DLG2: variants seen among roughly 807,000 people sequenced by gnomAD.
The protein encoded by DLG2 is disks large homolog 2.
A neutral mutation model predicts 132.5 loss-of-function variants in DLG2; 45 were observed. The observed-to-expected ratio is 0.34, with a 90% CI of 0.27 to 0.44. The LOEUF is 0.44. Ranked by LOEUF, DLG2 falls within the 20% of genes least tolerant of loss-of-function variation. The pLI is 1.00. For missense variants in DLG2, 1,045 were observed against 1,196.9 expected (o/e 0.87, Z 1.87); for synonymous variants, 424 against 419.6 (o/e 1.01, Z -0.13).
intron 6 of DLG2, among the ~76,000 whole-genome samples, chr11:84,899,233 G>C (rs964801757): frequency 6.6e-6 from 1 of 152,032 alleles, no homozygotes; most frequent in Non-Finnish European, 1.5e-5. Context: ...CTAGTGTCAT[G>C]CTTCCCCACT....
At chr11:84,106,791 C>T (rs1374448234) in intron 9 of DLG2, among the ~76,000 whole-genome samples, 2 of 150,956 alleles carry the variant, frequency 1.3e-5, no homozygotes, top group Non-Finnish European at 3.0e-5. Flanking sequence ...GAAAAGTAAA[C>T]ACAGTGAAAG....
At chr11:83,866,154 T>TC (rs2062325031) in intron 16 of DLG2, among the ~76,000 whole-genome samples, 1 of 152,074 alleles carries the variant, frequency 6.6e-6, no homozygotes, top group African/African-American at 2.4e-5. Context: ...TCTCATTTTC[T>TC]CCCCCAGACT....
At chr11:83,551,002 T>C (rs963942852) in intron 19 of DLG2, among the ~76,000 whole-genome samples, 5 of 152,194 alleles carry the variant, frequency 3.3e-5, no homozygotes, top group African/African-American at 9.6e-5. Flanking sequence ...AGTTTATATA[T>C]GCATGACTCG....
chr11:85,436,737 C>CA (rs112129567), intron 3 of DLG2, among the ~76,000 whole-genome samples: 80 of 152,312 alleles, frequency 5.3e-4, no homozygotes, highest in African/African-American at 1.9e-3. Flanking sequence ...TTGTAGAAGA[C>CA]AGTGTGGTGA....
intron 6 of DLG2, among the ~76,000 whole-genome samples, chr11:84,933,212 G>T (rs967205119): frequency 1.7e-4 from 26 of 152,066 alleles, no homozygotes; most frequent in African/African-American, 6.0e-4. Flanking sequence ...GTTCTATTCT[G>T]TTCTATTGGT....
intron 6 of DLG2, among the ~76,000 whole-genome samples, chr11:84,606,948 A>G (rs1221204627): frequency 2.6e-5 from 4 of 152,130 alleles, no homozygotes; most frequent in Non-Finnish European, 2.9e-5. Context: ...TTTATTTACT[A>G]CAAGTGTCAT....
At chr11:85,483,793 A>G (rs1240683939) in intron 3 of DLG2, among the ~76,000 whole-genome samples, 1 of 151,832 alleles carries the variant, frequency 6.6e-6, no homozygotes, top group Non-Finnish European at 1.5e-5. Flanking sequence ...AAAATACAAA[A>G]ATTAGCCAGG....
intron 3 of DLG2, among the ~76,000 whole-genome samples, chr11:85,407,458 G>C (rs1251897818): frequency 6.6e-6 from 1 of 151,734 alleles, no homozygotes; most frequent in Non-Finnish European, 1.5e-5. Flanking sequence ...CATGAAATAA[G>C]AATCCAAAAA....
At chr11:85,149,580 C>A (rs1421845740) in intron 5 of DLG2, among the ~76,000 whole-genome samples, 1 of 152,072 alleles carries the variant, frequency 6.6e-6, no homozygotes, top group Non-Finnish European at 1.5e-5. Context: ...AATGTTTGGT[C>A]CTAAGTGCTC....
At chr11:85,391,434 T>G (rs959319715) in intron 3 of DLG2, among the ~76,000 whole-genome samples, 20 of 152,208 alleles carry the variant, frequency 1.3e-4, no homozygotes, top group African/African-American at 4.6e-4. Flanking sequence ...CTCTAAATCA[T>G]TCTATGAAGC....
At chr11:83,580,555 G>GT (rs1239005977) in intron 19 of DLG2, among the ~76,000 whole-genome samples, 10 of 152,106 alleles carry the variant, frequency 6.6e-5, no homozygotes, top group Non-Finnish European at 5.9e-5. Flanking sequence ...GTCCATAAAA[G>GT]AGTTATTTTA....
chr11:85,300,492 G>A (rs1306338678), intron 3 of DLG2, among the ~76,000 whole-genome samples: 1 of 152,068 alleles, frequency 6.6e-6, no homozygotes, highest in Non-Finnish European at 1.5e-5. Context: ...GAAAGAAGCA[G>A]GAAAACCATA....
intron 3 of DLG2, among the ~76,000 whole-genome samples, chr11:85,392,917 C>A (rs977938214): frequency 2.6e-5 from 4 of 152,030 alleles, no homozygotes; most frequent in African/African-American, 9.7e-5. Context: ...TTGACTTAGG[C>A]AAAGACTTGA....
chr11:84,489,356 A>T (rs1048612983), intron 7 of DLG2, among the ~76,000 whole-genome samples: 1 of 152,078 alleles, frequency 6.6e-6, no homozygotes, highest in African/African-American at 2.4e-5. Flanking sequence ...GACCATTATC[A>T]CTTATTTTTC....
chr11:83,832,874 G>A (rs906197373), intron 17 of DLG2, among the ~76,000 whole-genome samples: 3 of 152,092 alleles, frequency 2.0e-5, no homozygotes, highest in Non-Finnish European at 4.4e-5. Flanking sequence ...ACTCTATATA[G>A]CATTATCTTA....
chr11:84,043,768 A>G (rs1318457049), intron 11 of DLG2, among the ~76,000 whole-genome samples: 1 of 151,610 alleles, frequency 6.6e-6, no homozygotes, highest in Admixed American at 6.6e-5. Context: ...ATTTTCAGTG[A>G]CATCTATTTT....
intron 8 of DLG2, among the ~76,000 whole-genome samples, chr11:84,178,153 G>GAGGGGGCCAA (rs2096019648): frequency 1.3e-5 from 2 of 152,102 alleles, no homozygotes; most frequent in Non-Finnish European, 2.9e-5. Context: ...AAAACCAGCA[G>GAGGGGGCCAA]CTTTACTGCC....
At chr11:84,794,248 C>A (rs1005657307) in intron 6 of DLG2, among the ~76,000 whole-genome samples, 3 of 152,184 alleles carry the variant, frequency 2.0e-5, no homozygotes, top group Non-Finnish European at 4.4e-5. Context: ...CTTCATTGCA[C>A]ATTTTAAAAT....
At chr11:85,199,737 T>G (rs2081312115) in intron 4 of DLG2, among the ~76,000 whole-genome samples, 1 of 152,128 alleles carries the variant, frequency 6.6e-6, no homozygotes, top group South Asian at 2.1e-4. Flanking sequence ...ATAAACAATA[T>G]ATAGAGTTCT....
Sources: allele counts gnomAD v4.1 joint callset (sites outside exome capture counted in the v4.1 genomes callset), GRCh38; gene constraint gnomAD v4.1.1; transcripts MANE v1.5; gene names NCBI Gene and HGNC (gene_info 2026-07-23, HGNC 2026-07-21).